TNFSF4: variants seen among roughly 807,000 people sequenced by gnomAD.
The protein encoded by TNFSF4 is TNF superfamily member 4, also known as tumor necrosis factor ligand superfamily member 4.
In TNFSF4, 4 loss-of-function variants were observed where a neutral mutation model predicts 7.3. The observed-to-expected ratio is 0.55, with a 90% confidence interval of 0.27 to 1.25. The LOEUF is 1.25. Ranked by LOEUF, TNFSF4 falls within the 50% of genes most tolerant of loss-of-function variation. The pLI is 0.12. For missense variants in TNFSF4, 181 were observed against 208.8 expected (o/e 0.87, Z 0.82); for synonymous variants, 76 against 83.7 (o/e 0.91, Z 0.50).
the TNFSF4 span, among the ~76,000 whole-genome samples, chr1:173,394,989 TAGATA>T: frequency 2.1e-5 from 2 of 96,274 alleles, no homozygotes; most frequent in African/African-American, 1.1e-4. Flanking sequence ...AGAGGACACA[TAGATA>T]GATAGATAGA....
the TNFSF4 span, among the ~76,000 whole-genome samples, chr1:173,376,633 CACCAATCAGCACTCTGTAAAACAG>C: frequency 2.6e-5 from 4 of 152,274 alleles, no homozygotes; most frequent in South Asian, 2.1e-4. Context: ...TTTGTAAATG[CACCAATCAGCACTCTGTAAAACAG>C]ACCAATCAGC....
the TNFSF4 span, among the ~76,000 whole-genome samples, chr1:173,234,226 T>G: frequency 2.6e-5 from 4 of 152,032 alleles, no homozygotes; most frequent in Non-Finnish European, 4.4e-5. Flanking sequence ...ATCAGAGAAG[T>G]GCAAATCAAA....
the TNFSF4 span, among the ~76,000 whole-genome samples, chr1:173,229,640 A>G: frequency 4.6e-5 from 7 of 152,242 alleles, no homozygotes; most frequent in African/African-American, 1.7e-4. Context: ...AGACTGGCAA[A>G]TTGGATAAAG....
At chr1:173,357,955 G>T in the TNFSF4 span, among the ~76,000 whole-genome samples, 212 of 152,344 alleles carry the variant, frequency 1.4e-3, no homozygotes, top group Non-Finnish European at 2.0e-3. Flanking sequence ...GTCTCCAAAA[G>T]ATGTTCATGT....
At chr1:173,202,956 C>A (rs1168904313) in intron 1 of TNFSF4, among the ~76,000 whole-genome samples, 2 of 151,950 alleles carry the variant, frequency 1.3e-5, no homozygotes, top group African/African-American at 4.8e-5. Context: ...GCTGAGGCAG[C>A]CCTCCCTCCT....
Position 173,186,439 on chromosome 1 carries a change from A to G in TNFSF4, c.*77T>C. On this transcript the variant is annotated 3_prime_UTR_variant, in exon 3 of 3. Transcript: ENST00000281834. ...GAGCTGGGAGGCTCCTTCACTTGCA[A>G]TGAAGAATCCATGCCCTGTCCACCC... The G allele has an allele frequency of 8.1e-7, 1 of 1,239,716 alleles. No individual in the cohort carries two copies. The highest frequency in any genetic ancestry group is 1.1e-6 in the Non-Finnish European group (1 of 887,596). The allele number at this position is 1,239,716 out of a possible 1,614,324, so 76.8% of individuals were successfully genotyped here. A position where few individuals can be genotyped will look rare whatever the true frequency, so the allele number is the denominator to read the frequency against.
At chr1:173,387,918 CCATT>C in the TNFSF4 span, among the ~76,000 whole-genome samples, 1 of 152,152 alleles carries the variant, frequency 6.6e-6, no homozygotes, top group Non-Finnish European at 1.5e-5. Flanking sequence ...GATTGGAAAA[CCATT>C]CAGAGTCCAG....
At chr1:173,374,712 C>T in the TNFSF4 span, among the ~76,000 whole-genome samples, 1 of 152,148 alleles carries the variant, frequency 6.6e-6, no homozygotes, top group African/African-American at 2.4e-5. Context: ...TGTTTCATCA[C>T]ATTATTAAGC....
chr1:173,390,747 T>C, the TNFSF4 span, among the ~76,000 whole-genome samples: 9 of 63,256 alleles, frequency 1.4e-4, no homozygotes, highest in Non-Finnish European at 2.3e-4. Context: ...CTTTTTTTTT[T>C]TTCTTTTTTT....
the TNFSF4 span, among the ~76,000 whole-genome samples, chr1:173,356,424 T>C: frequency 3.3e-5 from 5 of 152,256 alleles, no homozygotes; most frequent in Non-Finnish European, 7.3e-5. Context: ...TAGAATCTGA[T>C]AAGAGACAGT....
At chr1:173,374,176 A>G in the TNFSF4 span, among the ~76,000 whole-genome samples, 1 of 152,182 alleles carries the variant, frequency 6.6e-6, no homozygotes, top group Non-Finnish European at 1.5e-5. Flanking sequence ...TTTCTCACAA[A>G]TGACCTCCTA....
At chr1:173,240,474 G>T in the TNFSF4 span, among the ~76,000 whole-genome samples, 1 of 152,204 alleles carries the variant, frequency 6.6e-6, no homozygotes, top group South Asian at 2.1e-4. Flanking sequence ...CAAGTTATTT[G>T]TATTCAATAT....
chr1:173,412,117 GAA>G, the TNFSF4 span, among the ~76,000 whole-genome samples: 6 of 120,458 alleles, frequency 5.0e-5, no homozygotes, highest in East Asian at 2.6e-4. Context: ...TCCATCTCAA[GAA>G]AAAAAAAAAA....
chr1:173,335,081 G>C, the TNFSF4 span, among the ~76,000 whole-genome samples: 2 of 152,118 alleles, frequency 1.3e-5, no homozygotes, highest in African/African-American at 4.8e-5. Flanking sequence ...ACTAAGCAGA[G>C]ATTCTTCATT....
the TNFSF4 span, among the ~76,000 whole-genome samples, chr1:173,267,616 G>A: frequency 1.3e-5 from 2 of 152,028 alleles, no homozygotes; most frequent in African/African-American, 2.4e-5. Flanking sequence ...GGTTTCTGTG[G>A]GTCATGAATG....
the TNFSF4 span, among the ~76,000 whole-genome samples, chr1:173,176,758 G>A: frequency 1.3e-5 from 2 of 152,152 alleles, no homozygotes; most frequent in Non-Finnish European, 2.9e-5. Flanking sequence ...ATTAAAAAAT[G>A]TGATTCATAT....
the TNFSF4 span, among the ~76,000 whole-genome samples, chr1:173,382,546 C>T: frequency 2.6e-5 from 4 of 152,142 alleles, no homozygotes; most frequent in African/African-American, 2.4e-5. Context: ...ACGTTCTGCA[C>T]GTGTATCCCA....
chr1:173,217,522 A>G, the TNFSF4 span, among the ~76,000 whole-genome samples: 14 of 152,354 alleles, frequency 9.2e-5, no homozygotes, highest in African/African-American at 3.4e-4. Flanking sequence ...GATACATATT[A>G]GCATTCAATA....
chr1:173,178,482 G>A, the TNFSF4 span, among the ~76,000 whole-genome samples: 1 of 152,214 alleles, frequency 6.6e-6, no homozygotes, highest in African/African-American at 2.4e-5. Flanking sequence ...GCTGAGGCAG[G>A]AGAATGGCGG....
Sources: gnomAD v4.1 joint callset for allele counts (sites outside exome capture counted in the v4.1 genomes callset) on GRCh38, gnomAD v4.1.1 for gene constraint, MANE v1.5 for transcripts, NCBI Gene and HGNC (gene_info 2026-07-23, HGNC 2026-07-21) for gene names.